Variants in STX17 observed in about 807,000 individuals in gnomAD.
STX17 encodes the protein syntaxin 17.
Under a neutral mutation model 35.9 loss-of-function variants are expected in STX17, and 29 were observed. The ratio of observed to expected loss-of-function variants is 0.81; its 90% CI spans 0.60 to 1.10. The LOEUF (loss-of-function observed/expected upper bound fraction) is 1.10. Ranked by LOEUF, STX17 falls within the 50% of genes least tolerant of loss-of-function variation. The pLI is 0.00. For missense variants in STX17, 312 were observed against 352.3 expected (o/e 0.89, Z 0.92); for synonymous variants, 92 against 118.3 (o/e 0.78, Z 1.44).
chr9:99,927,322 T>A (rs1829006070), intron 2 of STX17, among the ~76,000 whole-genome samples: 1 of 152,212 alleles, frequency 6.6e-6, no homozygotes, highest in African/African-American at 2.4e-5. Context: ...AAACTTTTAT[T>A]ACTGTTATAA....
rs561724060 is a variant in STX17, at chr9:99,970,861, C to G, written c.*2188C>G. On this transcript the variant is annotated 3_prime_UTR_variant, in exon 8 of 8. Coordinates refer to ENST00000259400, the MANE Select transcript of STX17 (RefSeq NM_017919.3). ...ACCTGAAGGAGGCCTGTATTTGAAG[C>G]TCACACTTGGTATTGGTATCTCTCA... is the stretch of plus-strand genomic sequence containing the variant. Among the ~76,000 whole-genome samples the G allele has an allele frequency of 3.3e-5, 5 of 152,274 alleles. No individual in the cohort carries two copies. The highest frequency in any genetic ancestry group is 7.4e-5 in the Non-Finnish European group (5 of 68,020).
intron 2 of STX17, among the ~76,000 whole-genome samples, chr9:99,918,598 G>A (rs1828828927): frequency 6.7e-6 from 1 of 148,874 alleles, no homozygotes; most frequent in African/African-American, 2.5e-5. Context: ...TTCTGTTTCA[G>A]CATATAGTAT....
rs1200409308 is a variant in STX17, at chr9:99,969,171, G to A, written c.*498G>A. 1 of 152,230 alleles carries A rather than the reference G, an allele frequency of 6.6e-6. No homozygotes were observed. The highest frequency in any genetic ancestry group is 2.4e-5 in the African/African-American group (1 of 41,426). 9.4% of individuals were successfully genotyped at this position (152,230 alleles called of 1,614,324 possible). On this transcript the variant is annotated 3_prime_UTR_variant, in exon 8 of 8. Coordinates refer to ENST00000259400, the MANE Select transcript of STX17 (RefSeq NM_017919.3). ...GTCGACTACATAATGGAGTCCATTG[G>A]CGAACCCTATTGCAATTTGGTCCAA...
chr9:99,959,905 A>G lies in STX17; in HGVS notation c.416-12A>G, dbSNP rs376318632. The G allele has an allele frequency of 6.3e-6, 10 of 1,579,128 alleles. No homozygotes were observed. The highest frequency in any genetic ancestry group is 1.7e-4 in the Middle Eastern group (1 of 6,016). On this transcript the variant is annotated splice_polypyrimidine_tract_variant and intron_variant, in intron 4 of 7. Transcript: ENST00000259400. ...AATAAACTCTAAACATGGGGTTATT[A>G]TGTTCATCCAGGAGCATTTCATACT...
chr9:99,932,030 A>G (rs1829135068), intron 3 of STX17, among the ~76,000 whole-genome samples: 1 of 152,116 alleles, frequency 6.6e-6, no homozygotes, highest in Non-Finnish European at 1.5e-5. Flanking sequence ...GTTCTTATTT[A>G]GTTTTCTGAA....
intron 6 of STX17, among the ~76,000 whole-genome samples, chr9:99,963,743 C>A (rs1463496643): frequency 1.3e-5 from 2 of 152,146 alleles, no homozygotes; most frequent in Non-Finnish European, 2.9e-5. Flanking sequence ...ACTGCTGAAT[C>A]CTCTGTTAGC....
Position 99,972,631 on chromosome 9 carries a change from G to T in STX17, c.*3958G>T, listed in dbSNP as rs987400758. On this transcript the variant is annotated 3_prime_UTR_variant, in exon 8 of 8. Coordinates refer to ENST00000259400, the MANE Select transcript of STX17 (RefSeq NM_017919.3). ...TAAGTGCTCTAAGATTTTTGTACAG[G>T]AGTAAGAATCAAATACTGGTAACAT... Among the ~76,000 whole-genome samples the T allele has an allele frequency of 2.0e-5, 3 of 152,158 alleles. No homozygotes were observed. The highest frequency in any genetic ancestry group is 2.0e-4 in the Admixed American group (3 of 15,268).
At chr9:99,945,926 CA>C (rs1230311077) in intron 3 of STX17, 7 of 160,484 alleles carry the variant, frequency 4.4e-5, no homozygotes, top group South Asian at 1.5e-4. Context: ...TACTAAAATA[CA>C]AAAAAATTAG....
At chr9:99,946,629 G>GCC (rs1254511758) in intron 3 of STX17, among the ~76,000 whole-genome samples, 1 of 151,948 alleles carries the variant, frequency 6.6e-6, no homozygotes, top group Non-Finnish European at 1.5e-5. Context: ...TGTTATTTTT[G>GCC]AAGATCACCA....
chr9:99,963,708 C>T (rs576429837), intron 6 of STX17, among the ~76,000 whole-genome samples: 4 of 152,256 alleles, frequency 2.6e-5, no homozygotes, highest in East Asian at 1.9e-4. Flanking sequence ...CATTTTAGTA[C>T]TGGAATTCCT....
At chr9:99,964,943 G>A (rs1564076147) in intron 6 of STX17, among the ~76,000 whole-genome samples, 2 of 152,128 alleles carry the variant, frequency 1.3e-5, no homozygotes, top group Non-Finnish European at 2.9e-5. Flanking sequence ...TGCAAACCAA[G>A]CAAAATACGG....
chr9:99,914,981 A>G lies in STX17; in HGVS notation c.-62-197A>G, dbSNP rs573874862. 327 of 239,158 alleles carry G rather than the reference A, an allele frequency of 1.4e-3. 3 individuals carry two copies. The highest frequency in any genetic ancestry group is 2.1e-3 in the Non-Finnish European group (264 of 124,580). 14.8% of individuals were successfully genotyped at this position (239,158 alleles called of 1,614,324 possible). On this transcript the variant is annotated intron_variant, in intron 1 of 7. Transcript: ENST00000259400. ...CTTCATTTATTTATATTGTCTGAAC[A>G]TTCTAAAATATAATTTTTGTAAAGA...
chr9:99,912,716 A>G (rs985726530), intron 1 of STX17, among the ~76,000 whole-genome samples: 9 of 152,250 alleles, frequency 5.9e-5, no homozygotes, highest in Non-Finnish European at 1.3e-4. Context: ...ATTGTGAAGC[A>G]TCTACGTAAT....
At chr9:99,936,346 C>G (rs1403867082) in intron 3 of STX17, among the ~76,000 whole-genome samples, 1 of 152,176 alleles carries the variant, frequency 6.6e-6, no homozygotes, top group Non-Finnish European at 1.5e-5. Flanking sequence ...TCCTTGCAAA[C>G]AGTTGATATA....
intron 2 of STX17, among the ~76,000 whole-genome samples, chr9:99,918,412 G>A (rs34712912): frequency 0.26 from 39,329 of 152,024 alleles, 6,036 homozygotes; most frequent in Non-Finnish European, 0.35. Flanking sequence ...CTAGGATTAC[G>A]GATGTGAACA....
intron 4 of STX17, among the ~76,000 whole-genome samples, chr9:99,951,674 CT>C (rs1470593592): frequency 6.6e-6 from 1 of 151,844 alleles, no homozygotes; most frequent in African/African-American, 2.4e-5. Context: ...GATGTTAGAT[CT>C]ATCTTTCAGC....
chr9:99,941,666 A>G (rs760632628), intron 3 of STX17, among the ~76,000 whole-genome samples: 1 of 152,198 alleles, frequency 6.6e-6, no homozygotes, highest in Non-Finnish European at 1.5e-5. Flanking sequence ...TTTATATGGT[A>G]AATACTTTGT....
chr9:99,948,710 T>C (rs1233253745), intron 3 of STX17, among the ~76,000 whole-genome samples: 1 of 152,292 alleles, frequency 6.6e-6, no homozygotes, highest in Non-Finnish European at 1.5e-5. Context: ...GTTTTTGTTA[T>C]CATTGTTGCT....
At chr9:99,951,976 G>T (rs922815704) in intron 4 of STX17, among the ~76,000 whole-genome samples, 14 of 151,874 alleles carry the variant, frequency 9.2e-5, no homozygotes, top group Admixed American at 7.2e-4. Context: ...TTACTAGAAA[G>T]CTTAGAGCCA....
Sources: allele counts gnomAD v4.1 joint callset (sites outside exome capture counted in the v4.1 genomes callset), GRCh38; gene constraint gnomAD v4.1.1; transcripts MANE v1.5; gene names NCBI Gene and HGNC (gene_info 2026-07-23, HGNC 2026-07-21).